The following TACR1 variants were observed in gnomAD, a reference collection of about 807,000 sequenced individuals.
TACR1 encodes the protein tachykinin receptor 1.
Under a neutral mutation model 35.8 loss-of-function variants are expected in TACR1, and 25 were observed. The observed-to-expected ratio is 0.70, with a 90% confidence interval of 0.51 to 0.98. TACR1 has a LOEUF of 0.98. TACR1 is among the 50% of genes least tolerant of loss of function. TACR1 has a pLI of 0.00. For synonymous variants in TACR1, 195 were observed against 206.7 expected, an observed-to-expected ratio of 0.94 and a Z score of 0.48; for missense variants, 478 against 522.9, an observed-to-expected ratio of 0.91 and a Z score of 0.84.
At chr2:75,079,522 C>T (rs921380799) in intron 2 of TACR1, among the ~76,000 whole-genome samples, 3 of 152,144 alleles carry the variant, frequency 2.0e-5, no homozygotes, top group Admixed American at 6.5e-5. Flanking sequence ...TGATTTCCCT[C>T]CTAATGTAAC....
intron 2 of TACR1, among the ~76,000 whole-genome samples, chr2:75,097,070 T>C (rs1673437237): frequency 6.6e-6 from 1 of 152,230 alleles, no homozygotes; most frequent in Non-Finnish European, 1.5e-5. Context: ...TTAAGTATTA[T>C]TTTTCTCTCC....
At chr2:75,114,241 A>T (rs1287384321) in intron 2 of TACR1, among the ~76,000 whole-genome samples, 1 of 152,208 alleles carries the variant, frequency 6.6e-6, no homozygotes, top group East Asian at 1.9e-4. Flanking sequence ...GGAATGTCTT[A>T]CTTCTTGCTA....
intron 1 of TACR1, among the ~76,000 whole-genome samples, chr2:75,143,493 C>T (rs903963063): frequency 1.3e-5 from 2 of 152,278 alleles, no homozygotes; most frequent in South Asian, 4.1e-4. Flanking sequence ...TAACACTGAT[C>T]GAGCATTACT....
chr2:75,187,742 T>C (rs897494420), intron 1 of TACR1: 3 of 152,172 alleles, frequency 2.0e-5, no homozygotes, highest in Non-Finnish European at 4.4e-5. Context: ...TGAAGCAGGA[T>C]TGGGGAGTGC....
rs187302142 is a variant in TACR1, at chr2:75,133,107, G to T, written c.390-12339C>A. On this transcript the variant is annotated intron_variant, in intron 1 of 4. Coordinates refer to ENST00000305249, the MANE Select transcript of TACR1 (RefSeq NM_001058.4). Reference sequence around the variant, plus strand: ...CCCATACTCTGTGAGTCAAGGTCAAGGTCAAAAGCCCTTAAGACAAAAGCC... The same window carrying T: ...CCCATACTCTGTGAGTCAAGGTCAATGTCAAAAGCCCTTAAGACAAAAGCC... Among the ~76,000 whole-genome samples the T allele has an allele frequency of 2.6e-4, 39 of 152,302 alleles. 1 individual carries two copies. In the East Asian group the frequency reaches 6.0e-3, roughly 23 times the overall value.
intron 2 of TACR1, among the ~76,000 whole-genome samples, chr2:75,077,813 C>G (rs72918512): frequency 0.038 from 5,711 of 152,196 alleles, 331 homozygotes; most frequent in African/African-American, 0.13. Context: ...GGGAAGGCCC[C>G]CAGGAACATA....
Position 75,199,019 on chromosome 2 carries a change from G to T in TACR1, c.-85C>A. ...CTGTGGCTGGCGCCTGGGGCTCAGG[G>T]TCCTTCTAAAGCCAGACAGGAGGGT... On this transcript the variant is annotated 5_prime_UTR_variant, in exon 1 of 5. Transcript: ENST00000305249. 2 of 1,521,422 alleles carry T rather than the reference G, an allele frequency of 1.3e-6. No individual in the cohort carries two copies. The highest frequency in any genetic ancestry group is 1.8e-6 in the Non-Finnish European group (2 of 1,129,958). The allele number at this position is 1,521,422 out of a possible 1,614,324, so 94.2% of individuals were successfully genotyped here.
At chr2:75,101,068 C>T (rs1405629331) in intron 2 of TACR1, among the ~76,000 whole-genome samples, 1 of 148,832 alleles carries the variant, frequency 6.7e-6, no homozygotes, top group East Asian at 2.0e-4. Context: ...TGATGAATAA[C>T]ATGTTGGACA....
At position 75,052,333 on chromosome 2, in the gene TACR1, T is replaced by A. The variant is rs373518752; in HGVS notation, c.736-886A>T. ...GCCCTCCTGAAACACCAAATCCGTC[T>A]GTGCTTTGATCTTGGGCCTTTCAGC... is the stretch of plus-strand genomic sequence containing the variant. On this transcript the variant is annotated intron_variant, in intron 3 of 4. Transcript: ENST00000305249. Among the ~76,000 whole-genome samples, 5 of 152,348 alleles carry A rather than the reference T, an allele frequency of 3.3e-5. No homozygotes were observed. The East Asian group carries it at 9.6e-4, about 29-fold the overall frequency.
In TACR1 at chr2:75,199,011, G is replaced by T; in HGVS notation, c.-77C>A. The T allele has an allele frequency of 6.5e-7, 1 of 1,537,280 alleles. No individual in the cohort carries two copies. Among genetic ancestry groups the T allele is most frequent in the Non-Finnish European group, 8.8e-7 (1 of 1,139,238 alleles). ...GCAGAGTCCTGTGGCTGGCGCCTGGGGCTCAGGGTCCTTCTAAAGCCAGAC... is the reference window on the plus strand; with the variant it reads ...GCAGAGTCCTGTGGCTGGCGCCTGGTGCTCAGGGTCCTTCTAAAGCCAGAC... On this transcript the variant is annotated 5_prime_UTR_variant, in exon 1 of 5. Coordinates refer to ENST00000305249, the MANE Select transcript of TACR1 (RefSeq NM_001058.4).
At chr2:75,150,021 C>T (rs143132515) in intron 1 of TACR1, among the ~76,000 whole-genome samples, 1,993 of 152,146 alleles carry the variant, frequency 0.013, 43 homozygotes, top group African/African-American at 0.045. Context: ...TCACTGGTTC[C>T]GTTTATGTGA....
intron 2 of TACR1, among the ~76,000 whole-genome samples, chr2:75,095,321 T>C (rs574371227): frequency 1.3e-5 from 2 of 152,274 alleles, no homozygotes; most frequent in African/African-American, 4.8e-5. Context: ...GTTCATATTT[T>C]GGTCAGCCTT....
At chr2:75,137,728 CAAAAAAAAAAAAAAAAAAAA>C (rs11326632) in intron 1 of TACR1, among the ~76,000 whole-genome samples, 3 of 47,516 alleles carry the variant, frequency 6.3e-5, no homozygotes, top group African/African-American at 2.7e-4. Flanking sequence ...GTCTCCGTCT[CAAAAAAAAAAAAAAAAAAAA>C]AAAAAAAAGA....
chr2:75,196,665 T>G (rs1676002131), intron 1 of TACR1, among the ~76,000 whole-genome samples: 1 of 152,126 alleles, frequency 6.6e-6, no homozygotes, highest in African/African-American at 2.4e-5. Flanking sequence ...TCCCCACCCC[T>G]AACCTTCTAA....
intron 1 of TACR1, among the ~76,000 whole-genome samples, chr2:75,150,328 T>C (rs2103963815): frequency 6.6e-6 from 1 of 152,348 alleles, no homozygotes; most frequent in East Asian, 1.9e-4. Context: ...ACGGTTTGGC[T>C]GTGTCCCCAC....
At chr2:75,134,683 G>A (rs1231282964) in intron 1 of TACR1, among the ~76,000 whole-genome samples, 3 of 152,162 alleles carry the variant, frequency 2.0e-5, no homozygotes, top group African/African-American at 4.8e-5. Flanking sequence ...AAAATGAATG[G>A]CTATTTATAA....
At chr2:75,173,351 A>T (rs971571782) in intron 1 of TACR1, among the ~76,000 whole-genome samples, 1 of 152,200 alleles carries the variant, frequency 6.6e-6, no homozygotes. Context: ...ATTAATCTGG[A>T]AGTTCCAGTC....
rs187146351 is a variant in TACR1 at position 75,158,230 on chromosome 2, C to T, written c.390-37462G>A. On this transcript the variant is annotated intron_variant, in intron 1 of 4. Coordinates refer to ENST00000305249, the MANE Select transcript of TACR1 (RefSeq NM_001058.4). ...CTATGGACGAAGATCGAGCATTTAT[C>T]GGAAAAGCATTACTCTAGGCAACTA... Among the ~76,000 whole-genome samples the T allele has an allele frequency of 5.3e-4, 80 of 152,248 alleles. No individual in the cohort carries two copies. The East Asian group carries it at 0.014, about 27-fold the overall frequency.
At chr2:75,115,848 A>G (rs1288884464) in intron 2 of TACR1, among the ~76,000 whole-genome samples, 1 of 136,872 alleles carries the variant, frequency 7.3e-6, no homozygotes, top group Non-Finnish European at 1.5e-5. Flanking sequence ...CGGAGCTTGC[A>G]GTGAGCCGAG....
Sources: allele counts gnomAD v4.1 joint callset (sites outside exome capture counted in the v4.1 genomes callset), GRCh38; gene constraint gnomAD v4.1.1; transcripts MANE v1.5; gene names NCBI Gene and HGNC (gene_info 2026-07-23, HGNC 2026-07-21).